The following UGGT2 variants were observed in gnomAD, a reference collection of about 807,000 sequenced individuals.
The protein encoded by UGGT2 is UDP-glucose glycoprotein glucosyltransferase 2.
UGGT2 carries 180 observed loss-of-function variants against 192.1 expected under a neutral mutation model. That is an observed-to-expected ratio of 0.94 (90% CI 0.83 to 1.06). The LOEUF is 1.06. Among genes scored for constraint, UGGT2 ranks in the 50% least tolerant of loss-of-function variants. The pLI, the probability that UGGT2 is intolerant of heterozygous loss-of-function variation, is 0.00. For missense variants in UGGT2, 1,849 were observed against 1,795.7 expected (o/e 1.03, Z -0.54); for synonymous variants, 580 against 591.0 (o/e 0.98, Z 0.27).
At chr13:95,958,442 C>T (rs1044315746) in intron 12 of UGGT2, among the ~76,000 whole-genome samples, 8 of 152,158 alleles carry the variant, frequency 5.3e-5, no homozygotes, top group African/African-American at 9.7e-5. Flanking sequence ...TAAGCCTCCA[C>T]GCCTGGCCAA....
intron 38 of UGGT2, among the ~76,000 whole-genome samples, chr13:95,830,117 A>G (rs1301240214): frequency 1.3e-5 from 2 of 152,252 alleles, no homozygotes; most frequent in African/African-American, 2.4e-5. Context: ...TACATCTTAT[A>G]GAAAAATTAA....
intron 33 of UGGT2, 54 bp downstream of exon 33, chr13:95,859,537 A>G: frequency 7.4e-7 from 1 of 1,342,416 alleles, no homozygotes; most frequent in Non-Finnish European, 1.1e-6. Context: ...ACAATGATAC[A>G]AATAATTTAC....
intron 15 of UGGT2, among the ~76,000 whole-genome samples, chr13:95,940,706 C>T (rs1480083532): frequency 5.3e-5 from 8 of 150,480 alleles, no homozygotes; most frequent in African/African-American, 1.9e-4. Flanking sequence ...CCACCTCCTG[C>T]GGCCTCCCGA....
At chr13:95,915,408 A>G (rs1445346126) in intron 20 of UGGT2, among the ~76,000 whole-genome samples, 1 of 152,218 alleles carries the variant, frequency 6.6e-6, no homozygotes, top group African/African-American at 2.4e-5. Flanking sequence ...CTCCCTATGC[A>G]CGCTACCCCT....
At chr13:95,803,504 C>A (rs766612443) in intron 38 of UGGT2, among the ~76,000 whole-genome samples, 1 of 152,158 alleles carries the variant, frequency 6.6e-6, no homozygotes, top group Non-Finnish European at 1.5e-5. Context: ...AGGTGATCCA[C>A]CCGCCTTGGC....
chr13:95,980,182 CT>C (rs1163174599), intron 10 of UGGT2, among the ~76,000 whole-genome samples: 1 of 152,148 alleles, frequency 6.6e-6, no homozygotes, highest in Non-Finnish European at 1.5e-5. Flanking sequence ...GAAAAAGATA[CT>C]TGCATATGCA....
intron 4 of UGGT2, among the ~76,000 whole-genome samples, chr13:96,022,410 A>G (rs895909877): frequency 1.3e-5 from 2 of 152,040 alleles, no homozygotes; most frequent in Non-Finnish European, 2.9e-5. Context: ...TCTTTTGTAT[A>G]TGAAATTCAA....
intron 5 of UGGT2, among the ~76,000 whole-genome samples, chr13:96,004,687 C>A (rs559279359): frequency 9.3e-4 from 125 of 134,240 alleles, no homozygotes; most frequent in African/African-American, 3.3e-3. Context: ...CCCCCTCCCC[C>A]CAAAGTATAA....
At chr13:95,919,409 G>A (rs975891633) in intron 20 of UGGT2, among the ~76,000 whole-genome samples, 15 of 152,136 alleles carry the variant, frequency 9.9e-5, no homozygotes, top group Non-Finnish European at 1.9e-4. Context: ...ATTCAAATAG[G>A]AAGAGAGAAG....
intron 38 of UGGT2, among the ~76,000 whole-genome samples, chr13:95,813,930 G>A (rs7989952): frequency 0.015 from 2,232 of 152,310 alleles, 57 homozygotes; most frequent in African/African-American, 0.051. Flanking sequence ...TTCAGAGGGT[G>A]CAAGCCATTA....
chr13:96,040,837 G>A (rs2053144430), intron 1 of UGGT2, among the ~76,000 whole-genome samples: 1 of 152,050 alleles, frequency 6.6e-6, no homozygotes, highest in African/African-American at 2.4e-5. Context: ...GACTCTCAAG[G>A]CAAATGTAAA....
intron 12 of UGGT2, among the ~76,000 whole-genome samples, chr13:95,964,365 G>A (rs1053602318): frequency 2.0e-5 from 3 of 152,058 alleles, no homozygotes; most frequent in African/African-American, 7.2e-5. Flanking sequence ...AAAACTACTA[G>A]AAGAAAACAT....
At chr13:95,829,343 T>G (rs1886410978) in intron 38 of UGGT2, among the ~76,000 whole-genome samples, 1 of 152,088 alleles carries the variant, frequency 6.6e-6, no homozygotes, top group South Asian at 2.1e-4. Context: ...GAGAAAGAAA[T>G]AAAGGGTATT....
At chr13:95,928,601 G>A (rs9556506) in intron 17 of UGGT2, among the ~76,000 whole-genome samples, 58,988 of 151,526 alleles carry the variant, frequency 0.39, 11,900 homozygotes, top group Non-Finnish European at 0.44. Context: ...CAGACGGGGC[G>A]GCGGGGCAAA....
chr13:95,823,974 T>A (rs1885762259), intron 38 of UGGT2, among the ~76,000 whole-genome samples: 1 of 152,132 alleles, frequency 6.6e-6, no homozygotes, highest in African/African-American at 2.4e-5. Context: ...TAGTAGCAAA[T>A]TCCCTGAGCA....
intron 1 of UGGT2, among the ~76,000 whole-genome samples, chr13:96,046,895 C>T (rs1156523474): frequency 6.6e-6 from 1 of 152,210 alleles, no homozygotes; most frequent in Non-Finnish European, 1.5e-5. Flanking sequence ...TGAGATCCAA[C>T]CGCAAGGCAG....
chr13:95,999,138 AT>A (rs2051717313), intron 6 of UGGT2, 72 bp downstream of exon 6: 2 of 1,212,776 alleles, frequency 1.6e-6, no homozygotes, highest in Non-Finnish European at 2.4e-6. Flanking sequence ...TACTCATTAA[AT>A]TTTTAAAAAA....
At chr13:96,028,202 G>C (rs1157995429) in intron 2 of UGGT2, among the ~76,000 whole-genome samples, 1 of 152,062 alleles carries the variant, frequency 6.6e-6, no homozygotes, top group South Asian at 2.1e-4. Context: ...TCAGCTTACC[G>C]ATATATTTAT....
At chr13:95,907,903 G>A (rs926600643) in intron 20 of UGGT2, among the ~76,000 whole-genome samples, 2 of 152,300 alleles carry the variant, frequency 1.3e-5, no homozygotes, top group East Asian at 1.9e-4. Flanking sequence ...TGACTTTGAT[G>A]AGTTGACAGA....
Sources: gnomAD v4.1 joint callset for allele counts (sites outside exome capture counted in the v4.1 genomes callset) on GRCh38, gnomAD v4.1.1 for gene constraint, MANE v1.5 for transcripts, NCBI Gene and HGNC (gene_info 2026-07-23, HGNC 2026-07-21) for gene names.